The following OGDHL variants were observed in gnomAD, a reference collection of about 807,000 sequenced individuals.
OGDHL encodes the protein 2-oxoglutarate dehydrogenase-like, mitochondrial.
A neutral mutation model predicts 109.6 loss-of-function variants in OGDHL; 79 were observed. The ratio of observed to expected loss-of-function variants is 0.72; its 90% CI spans 0.60 to 0.87. OGDHL has a LOEUF of 0.87. Among genes scored for constraint, OGDHL ranks in the 40% least tolerant of loss-of-function variants. The pLI, the probability that OGDHL is intolerant of heterozygous loss-of-function variation, is 0.00. For synonymous variants in OGDHL, 528 were observed against 537.2 expected (o/e 0.98, Z 0.24); for missense variants, 1,275 against 1,362.2 (o/e 0.94, Z 1.01).
chr10:49,738,374 C>A (rs1401113940), intron 17 of OGDHL, 112 bp from the exon 18 acceptor site: 5 of 1,086,520 alleles, frequency 4.6e-6, no homozygotes, highest in Non-Finnish European at 6.8e-6. Flanking sequence ...AGCAGAGGTG[C>A]CCTCACCCTG....
At chr10:49,741,944 TCA>T (rs1194428222) in intron 15 of OGDHL, among the ~76,000 whole-genome samples, 3 of 86,286 alleles carry the variant, frequency 3.5e-5, no homozygotes, top group African/African-American at 4.6e-5. Flanking sequence ...ACAAACACAA[TCA>T]CACACACCAC....
chr10:49,744,021 G>A lies in OGDHL; in HGVS notation c.1834C>T (p.Pro612Ser), dbSNP rs749585568. Reference protein sequence around the residue: ...THIGSVASSVPLEDFKIHTGL... With the variant: ...THIGSVASSVSLEDFKIHTGL... ...GTGTGGATCTTAAAGTCCTCCAGGG[G>A]CACAGAGCTGGCCACACTGCCGATG... The change falls in exon 14 of 23, where the codon CCC becomes TCC. Residue 612 changes from proline to serine, a missense_variant. Pro to Ser is a moderately conservative substitution (Grantham distance 74). Coordinates refer to ENST00000374103, the MANE Select transcript of OGDHL (RefSeq NM_018245.3). The A allele has an allele frequency of 1.2e-6, 2 of 1,613,334 alleles. No homozygotes were observed. The highest frequency in any genetic ancestry group is 1.1e-5 in the South Asian group (1 of 90,962).
chr10:49,740,657 C>T lies in OGDHL; in HGVS notation c.2140+53G>A, dbSNP rs1300704346. On this transcript the variant is annotated intron_variant, in intron 16 of 22. Transcript: ENST00000374103. ...GCCCCGGTCCCTTCCCAGCCCATCT[C>T]TTGTCCCCAGGTGTCTGGGGCCTGC... 1.9e-6 allele frequency: 3 copies of T among 1,585,150 alleles called. No individual in the cohort carries two copies. In the South Asian group the frequency reaches 3.5e-5, roughly 18 times the overall value.
Position 49,744,103 on chromosome 10 carries a change from C to T in OGDHL, c.1752G>A (p.Gly584=), listed in dbSNP as rs751425173. The T allele has an allele frequency of 1.2e-6, 2 of 1,614,014 alleles. No homozygotes were observed. Among genetic ancestry groups the T allele is most frequent in the Non-Finnish European group, 1.7e-6 (2 of 1,179,958 alleles). ...SPWPGFFNVD[G]EPKSMTCPAT... is the part of the protein sequence containing the mutation. The stretch of plus-strand genomic sequence containing the variant: ...CTGGGCATGTCATGCTCTTGGGCTC[C>T]CCATCTACGTTGAAGAAGCCTGAGA... Residue 584 remains glycine, a synonymous_variant, in exon 14 of 23, where the codon GGG becomes GGA. Coordinates refer to ENST00000374103, the MANE Select transcript of OGDHL (RefSeq NM_018245.3).
intron 15 of OGDHL, 91 bp from the exon 16 acceptor site, chr10:49,740,928 C>A: frequency 3.3e-6 from 5 of 1,532,102 alleles, no homozygotes; most frequent in Non-Finnish European, 4.5e-6. Flanking sequence ...AGGAGGCAGG[C>A]AAGCCTCCGT....
chr10:49,747,468 G>C (rs896630145), intron 8 of OGDHL, among the ~76,000 whole-genome samples: 3 of 152,174 alleles, frequency 2.0e-5, no homozygotes, highest in Non-Finnish European at 1.5e-5. Flanking sequence ...CAAGAGTGGG[G>C]AAGGCCATCC....
chr10:49,746,873 C>T lies in OGDHL; in HGVS notation c.1173G>A (p.Met391Ile), dbSNP rs1199299236. 1 of 1,614,144 alleles carries T rather than the reference C, an allele frequency of 6.2e-7. No individual in the cohort carries two copies. ...CGGCGTCCCCATGAACCAGGATGGA[C>T]ATGACCTGCAGGGCAGGTGTGAGCC... ...YRGDAQGKKV[M>I]SILVHGDAAF... The change falls in exon 10 of 23, where the codon ATG becomes ATA. Residue 391 changes from methionine (M) to isoleucine (I), a missense_variant. Coordinates refer to ENST00000374103, the MANE Select transcript of OGDHL (RefSeq NM_018245.3).
chr10:49,747,538 G>A (rs911126568), intron 8 of OGDHL, among the ~76,000 whole-genome samples: 6 of 152,180 alleles, frequency 3.9e-5, no homozygotes, highest in East Asian at 1.9e-4. Context: ...GAGACCCTCG[G>A]CCAGGCCACC....
chr10:49,751,027 G>A, intron 6 of OGDHL, 42 bp from the exon 7 acceptor site: 1 of 1,534,926 alleles, frequency 6.5e-7, no homozygotes, highest in Non-Finnish European at 8.9e-7. Context: ...GAAAGGGATG[G>A]AGAGGGAGGG....
chr10:49,756,330 A>G (rs909437025), intron 3 of OGDHL, among the ~76,000 whole-genome samples: 3 of 152,180 alleles, frequency 2.0e-5, no homozygotes, highest in Non-Finnish European at 4.4e-5. Flanking sequence ...AGGAGGAGCA[A>G]CTGGTGGGGG....
intron 3 of OGDHL, among the ~76,000 whole-genome samples, chr10:49,753,933 T>C (rs1455857415): frequency 6.6e-6 from 1 of 151,418 alleles, no homozygotes; most frequent in South Asian, 2.1e-4. Context: ...TCTAAGATTG[T>C]TGCATGTGAG....
chr10:49,739,520 A>AC (rs537599014), intron 17 of OGDHL, 141 bp downstream of exon 17: 2 of 960,302 alleles, frequency 2.1e-6, no homozygotes, highest in African/African-American at 3.3e-5. Flanking sequence ...ACATGTGCAG[A>AC]CCCCACCCTG....
chr10:49,740,658 T>C (rs1590691767), intron 16 of OGDHL, 52 bp downstream of exon 16: 1 of 1,585,206 alleles, frequency 6.3e-7, no homozygotes, highest in Non-Finnish European at 8.6e-7. Context: ...AGCCCATCTC[T>C]TGTCCCCAGG....
intron 6 of OGDHL, among the ~76,000 whole-genome samples, 164 bp downstream of exon 6, chr10:49,751,663 T>C (rs567772076): frequency 1.4e-4 from 21 of 152,292 alleles, no homozygotes; most frequent in African/African-American, 5.1e-4. Context: ...TTGGCCAAAC[T>C]GCCTAAACAC....
intron 1 of OGDHL, among the ~76,000 whole-genome samples, chr10:49,761,924 G>GGAA (rs995867774): frequency 3.0e-4 from 45 of 152,304 alleles, no homozygotes; most frequent in African/African-American, 1.0e-3. Context: ...CCCTGGCCAC[G>GGAA]GAAGGCGCGG....
intron 20 of OGDHL, among the ~76,000 whole-genome samples, chr10:49,737,003 C>G (rs867413022): frequency 7.9e-5 from 12 of 152,292 alleles, no homozygotes; most frequent in Middle Eastern, 3.4e-3. Flanking sequence ...AGCCCATGAT[C>G]CTGACCCCAG....
chr10:49,745,284 C>T, intron 12 of OGDHL, 60 bp downstream of exon 12: 3 of 1,593,092 alleles, frequency 1.9e-6, no homozygotes, highest in Non-Finnish European at 2.6e-6. Context: ...CATCTACAAC[C>T]CCTCTCCAGG....
Position 49,751,865 on chromosome 10 carries a change from C to T in OGDHL, c.711G>A (p.Glu237=). Residue 237 remains glutamate, a synonymous_variant, in exon 6 of 23, where the codon GAG becomes GAA. Transcript: ENST00000374103. ...TPGVMQFSSE[E]KRTLLARLVR... Reference sequence around the variant, plus strand: ...CTAGCCGGGCCAGCAGGGTCCGCTTCTCCTCGCTGGAGAACTGCATCACAC... The same window carrying T: ...CTAGCCGGGCCAGCAGGGTCCGCTTTTCCTCGCTGGAGAACTGCATCACAC... 6.2e-7 allele frequency: 1 copy of T among 1,614,158 alleles called. No homozygotes were observed. The highest frequency in any genetic ancestry group is 8.5e-7 in the Non-Finnish European group (1 of 1,180,032).
chr10:49,736,081 A>C lies in OGDHL; in HGVS notation c.2851T>G (p.Tyr951Asp), dbSNP rs1317770023. 1 of 1,611,758 alleles carries C rather than the reference A, an allele frequency of 6.2e-7. No homozygotes were observed. The highest frequency in any genetic ancestry group is 1.7e-5 in the Admixed American group (1 of 59,784). The part of the protein sequence containing the change: ...WCQEEHKNMG[Y>D]YDYISPRFMT... ...AAGCGTGGGCTGATGTAGTCATAGTAGCCCATGTTCTTGTGCTCCTCCTGA... is the reference window on the plus strand; with the variant it reads ...AAGCGTGGGCTGATGTAGTCATAGTCGCCCATGTTCTTGTGCTCCTCCTGA... Residue 951 changes from tyrosine to aspartate, a missense_variant, in exon 22 of 23, where the codon TAC (tyrosine) becomes GAC (aspartate). Tyr to Asp is a radical substitution (Grantham distance 160, BLOSUM62 -3). Transcript: ENST00000374103.
Sources: gnomAD v4.1 joint callset for allele counts (sites outside exome capture counted in the v4.1 genomes callset) on GRCh38, gnomAD v4.1.1 for gene constraint, MANE v1.5 for transcripts, NCBI Gene and HGNC (gene_info 2026-07-23, HGNC 2026-07-21) for gene names.